STARD6: variants seen among roughly 807,000 people sequenced by gnomAD.
STARD6 encodes the protein stAR-related lipid transfer protein 6.
A neutral mutation model predicts 22.3 loss-of-function variants in STARD6; 21 were observed. The observed-to-expected ratio is 0.94, with a 90% CI of 0.67 to 1.35. The LOEUF (loss-of-function observed/expected upper bound fraction) is 1.35. STARD6 is among the 40% of genes most tolerant of loss of function. STARD6 has a pLI of 0.00. For missense variants in STARD6, 269 were observed against 266.9 expected (o/e 1.01, Z -0.05); for synonymous variants, 80 against 88.1 (o/e 0.91, Z 0.52).
chr18:54,348,501 A>G (rs2089060161), intron 4 of STARD6, among the ~76,000 whole-genome samples: 1 of 152,138 alleles, frequency 6.6e-6, no homozygotes, highest in African/African-American at 2.4e-5. Context: ...TTTGAGGTAA[A>G]GTCTTGGTGT....
At chr18:54,341,248 A>G (rs1305676792) in intron 4 of STARD6, among the ~76,000 whole-genome samples, 2 of 152,114 alleles carry the variant, frequency 1.3e-5, no homozygotes, top group African/African-American at 2.4e-5. Context: ...TTTAGTAGAG[A>G]CGGGGTTTCA....
intron 4 of STARD6, among the ~76,000 whole-genome samples, chr18:54,345,598 T>C (rs191296364): frequency 6.6e-6 from 1 of 152,226 alleles, no homozygotes; most frequent in East Asian, 1.9e-4. Flanking sequence ...AAAATTCATA[T>C]GGAAATGCAA....
intron 7 of STARD6, among the ~76,000 whole-genome samples, chr18:54,326,086 G>A (rs560335542): frequency 2.2e-3 from 338 of 152,140 alleles, no homozygotes; most frequent in Middle Eastern, 0.01. Context: ...TGGAGATGTG[G>A]GCTTTTTCTT....
At chr18:54,333,003 T>C (rs1444475246) in intron 5 of STARD6, among the ~76,000 whole-genome samples, 3 of 152,214 alleles carry the variant, frequency 2.0e-5, no homozygotes, top group Non-Finnish European at 2.9e-5. Flanking sequence ...AATTCTAATT[T>C]AGAATTAGGA....
chr18:54,332,018 G>A (rs533748488), intron 5 of STARD6, among the ~76,000 whole-genome samples, 159 bp from the exon 6 acceptor site: 134 of 152,242 alleles, frequency 8.8e-4, no homozygotes, highest in African/African-American at 3.2e-3. Flanking sequence ...TGGATTTTGA[G>A]TGTTAAAGGA....
chr18:54,342,793 C>T (rs1201282179), intron 4 of STARD6, among the ~76,000 whole-genome samples: 1 of 38,572 alleles, frequency 2.6e-5, no homozygotes, highest in African/African-American at 1.8e-4. Context: ...AGTGCAGTGG[C>T]GTGATCTCGG....
chr18:54,342,478 TC>T (rs1175191927), intron 4 of STARD6, among the ~76,000 whole-genome samples: 1 of 127,820 alleles, frequency 7.8e-6, no homozygotes, highest in Non-Finnish European at 1.7e-5. Context: ...CCTCTCCGTC[TC>T]CGTCTCCGTC....
chr18:54,341,219 C>A (rs941231925), intron 4 of STARD6, among the ~76,000 whole-genome samples: 2 of 152,136 alleles, frequency 1.3e-5, no homozygotes, highest in Admixed American at 6.5e-5. Flanking sequence ...GCCACTGCGC[C>A]CGGCTAATTT....
At chr18:54,329,065 A>G (rs2088846081) in intron 7 of STARD6, among the ~76,000 whole-genome samples, 1 of 152,162 alleles carries the variant, frequency 6.6e-6, no homozygotes, top group African/African-American at 2.4e-5. Flanking sequence ...TAATGGAGAA[A>G]TAGAAAACAT....
At chr18:54,351,517 C>A (rs2089095814) in intron 4 of STARD6, among the ~76,000 whole-genome samples, 1 of 152,066 alleles carries the variant, frequency 6.6e-6, no homozygotes, top group Admixed American at 6.5e-5. Flanking sequence ...CATCCTTTTC[C>A]CGTTCCAGTT....
At chr18:54,339,575 G>A (rs1037232395) in intron 4 of STARD6, among the ~76,000 whole-genome samples, 1 of 151,362 alleles carries the variant, frequency 6.6e-6, no homozygotes, top group Non-Finnish European at 1.5e-5. Context: ...AGTAAATGAC[G>A]TTTGAAGAGC....
intron 4 of STARD6, among the ~76,000 whole-genome samples, chr18:54,347,106 T>C (rs896912063): frequency 2.0e-5 from 3 of 152,114 alleles, no homozygotes; most frequent in Non-Finnish European, 2.9e-5. Context: ...ACAAGTCCTT[T>C]TTTTCTGAAT....
chr18:54,349,426 C>A (rs944100146), intron 4 of STARD6, among the ~76,000 whole-genome samples: 8 of 152,018 alleles, frequency 5.3e-5, no homozygotes, highest in African/African-American at 1.4e-4. Flanking sequence ...GACACAGGGA[C>A]AATGAAGAGA....
chr18:54,339,956 T>C lies in STARD6; in HGVS notation c.141-2705A>G, dbSNP rs148728136. ...TGACAATAAACACAACAGAGGGGGATGGAAATAAAGCTATATGTGAATAAA... is the reference window on the plus strand; with the variant it reads ...TGACAATAAACACAACAGAGGGGGACGGAAATAAAGCTATATGTGAATAAA... On this transcript the variant is annotated intron_variant, in intron 4 of 7. Coordinates refer to ENST00000307844, the MANE Select transcript of STARD6 (RefSeq NM_139171.2). Among the ~76,000 whole-genome samples the C allele has an allele frequency of 4.8e-3, 731 of 151,976 alleles. 2 individuals carry two copies. Among genetic ancestry groups the C allele is most frequent in the Admixed American group, 8.1e-3 (123 of 15,272 alleles).
chr18:54,343,707 T>C (rs1308860122), intron 4 of STARD6, among the ~76,000 whole-genome samples: 62 of 47,578 alleles, frequency 1.3e-3, no homozygotes, highest in African/African-American at 2.5e-3. Flanking sequence ...AGCCGCCCCG[T>C]CCGGGAGGGA....
intron 2 of STARD6, chr18:54,355,764 A>C (rs991455217): frequency 2.0e-5 from 3 of 152,246 alleles, no homozygotes; most frequent in Admixed American, 6.5e-5. Context: ...AAGATACTAG[A>C]CATAACTATT....
chr18:54,334,082 A>G (rs1322891718), intron 5 of STARD6, among the ~76,000 whole-genome samples: 1 of 152,186 alleles, frequency 6.6e-6, no homozygotes, highest in African/African-American at 2.4e-5. Context: ...GAATTTCCCA[A>G]AGGAACTTTA....
At chr18:54,354,257 G>A in intron 3 of STARD6, 154 bp from the exon 4 acceptor site, 1 of 625,814 alleles carries the variant, frequency 1.6e-6, no homozygotes, top group Non-Finnish European at 2.8e-6. Context: ...TCACTATGTT[G>A]CCCAGTCTGT....
intron 6 of STARD6, among the ~76,000 whole-genome samples, chr18:54,330,452 T>C (rs2088857068): frequency 6.6e-6 from 1 of 152,038 alleles, no homozygotes; most frequent in African/African-American, 2.4e-5. Flanking sequence ...TTTTGGAAAA[T>C]CAGAAAGATC....
Sources: gnomAD v4.1 joint callset for allele counts (sites outside exome capture counted in the v4.1 genomes callset) on GRCh38, gnomAD v4.1.1 for gene constraint, MANE v1.5 for transcripts, NCBI Gene and HGNC (gene_info 2026-07-23, HGNC 2026-07-21) for gene names.